FGD1: variants seen among roughly 807,000 people sequenced by gnomAD.
FGD1 encodes the protein FYVE, RhoGEF and PH domain containing 1.
Under a neutral mutation model 65.0 loss-of-function variants are expected in FGD1, and 12 were observed. The ratio of observed to expected loss-of-function variants is 0.18; its 90% CI spans 0.12 to 0.30. The LOEUF (loss-of-function observed/expected upper bound fraction) is 0.30, where lower values mean the gene tolerates loss of function less well. Among genes scored for constraint, FGD1 ranks in the 10% least tolerant of loss-of-function variants. The pLI, the probability that FGD1 is intolerant of heterozygous loss-of-function variation, is 1.00. For synonymous variants in FGD1, 333 were observed against 343.9 expected, an observed-to-expected ratio of 0.97 and a Z score of 0.35; for missense variants, 542 against 837.6, an observed-to-expected ratio of 0.65 and a Z score of 4.36.
At chrX:54,477,882 G>T (rs1267530689) in intron 1 of FGD1, among the ~76,000 whole-genome samples, 1 of 111,029 alleles carries the variant, frequency 9.0e-6, no homozygotes, top group Non-Finnish European at 1.9e-5. Flanking sequence ...CACTTTAGGA[G>T]GCCGAGGTGG....
chrX:54,446,128 T>G lies in FGD1; in HGVS notation c.2867A>C (p.Gln956Pro), dbSNP rs758821971. 1 of 1,209,738 alleles carries G rather than the reference T, an allele frequency of 8.3e-7. No homozygotes were observed. The highest frequency in any genetic ancestry group is 1.1e-6 in the Non-Finnish European group (1 of 894,583). ...GATAEPPESP[Q>P]TRDKT ...AACCCTCTAGGTCTTGTCTCGGGTCTGGGGGGATTCGGGGGGTTCAGCAGT... is the reference window on the plus strand; with the variant it reads ...AACCCTCTAGGTCTTGTCTCGGGTCGGGGGGGATTCGGGGGGTTCAGCAGT... The change falls in exon 18 of 18, where the codon CAG becomes CCG. Residue 956 changes from glutamine to proline, a missense_variant. Gln to Pro is a moderately conservative substitution (Grantham distance 76, BLOSUM62 -1). Around this residue, in one of 6 missense-constraint regions of FGD1, gnomAD observed 182 missense variants for 311.4 expected, o/e 0.58. Transcript: ENST00000375135.
At chrX:54,447,574 C>T (rs1601947744) in intron 16 of FGD1, 120 bp from the exon 17 acceptor site, 1 of 767,986 alleles carries the variant, frequency 1.3e-6, no homozygotes, top group East Asian at 3.5e-5. Flanking sequence ...CGCTCAAGCT[C>T]AGGTGGCAGG....
intron 12 of FGD1, 62 bp downstream of exon 12, chrX:54,455,386 T>C: frequency 1.1e-6 from 1 of 911,364 alleles, no homozygotes; most frequent in African/African-American, 1.9e-5. Context: ...CTGGAATGCC[T>C]CAGCATATCT....
intron 16 of FGD1, 78 bp downstream of exon 16, chrX:54,448,728 G>A (rs374644422): frequency 1.9e-6 from 2 of 1,049,694 alleles, no homozygotes; most frequent in Non-Finnish European, 2.6e-6. Context: ...CCAAATACTC[G>A]GGCCTCCTCA....
At chrX:54,484,689 C>T (rs187992563) in intron 1 of FGD1, among the ~76,000 whole-genome samples, 2 of 112,545 alleles carry the variant, frequency 1.8e-5, no homozygotes, top group East Asian at 2.8e-4. Flanking sequence ...TTTTCAGACA[C>T]CGTTTGGAGG....
intron 12 of FGD1, among the ~76,000 whole-genome samples, chrX:54,454,112 C>T (rs1922439458): frequency 9.0e-6 from 1 of 111,202 alleles, no homozygotes. Context: ...AGTCACGCGT[C>T]ACTTAACCAC....
In FGD1 at chrX:54,445,647, A is replaced by T. The variant is rs1922125345; in HGVS notation, c.*462T>A. 8.3e-6 allele frequency: 1 copy of T among 119,875 alleles called. No individual in the cohort carries two copies. The highest frequency in any genetic ancestry group is 3.3e-5 in the African/African-American group (1 of 30,765). 9.9% of individuals were successfully genotyped at this position (119,875 alleles called of 1,213,427 possible). On this transcript the variant is annotated 3_prime_UTR_variant, in exon 18 of 18. Coordinates refer to ENST00000375135, the MANE Select transcript of FGD1 (RefSeq NM_004463.3). ...AGCTGTAAGCCATGGGAGAGGCAGG[A>T]GAGGTCTAGTTGCCACCCCACGTGG...
chrX:54,447,404 G>A lies in FGD1; in HGVS notation c.2487C>T (p.His829=). The change falls in exon 17 of 18, where the codon CAC becomes CAT. Residue 829 remains histidine, a synonymous_variant. Transcript: ENST00000375135. The part of the protein sequence containing the change: ...AENSVICSFL[H]YMEKGGKGWH... ...ATCCTTTGCCACCCTTCTCCATGTA[G>A]TGCAGGAAGCTGCAGATGACGCTGT... The A allele has an allele frequency of 8.3e-7, 1 of 1,211,442 alleles. No homozygotes were observed. The highest frequency in any genetic ancestry group is 2.2e-5 in the Admixed American group (1 of 46,063).
At chrX:54,448,576 G>A (rs934542090) in intron 16 of FGD1, among the ~76,000 whole-genome samples, 4 of 112,456 alleles carry the variant, frequency 3.6e-5, no homozygotes, top group African/African-American at 1.3e-4. Flanking sequence ...TTCCTCGTTT[G>A]TAAAATAAAG....
intron 12 of FGD1, among the ~76,000 whole-genome samples, chrX:54,454,574 TG>T (rs758997349): frequency 1.9e-5 from 2 of 102,911 alleles, no homozygotes; most frequent in African/African-American, 7.3e-5. Flanking sequence ...TGCTTGAACC[TG>T]GGAGGTGGAG....
chrX:54,454,831 C>G (rs777083906), intron 12 of FGD1, among the ~76,000 whole-genome samples: 4 of 111,041 alleles, frequency 3.6e-5, no homozygotes, highest in Non-Finnish European at 7.5e-5. Context: ...GGGTGCTGAA[C>G]CATTTTAAAG....
At position 54,495,438 on chromosome X, in the gene FGD1, G is replaced by GGA; in HGVS notation, c.-7_-6insTC. On this transcript the variant is annotated 5_prime_UTR_variant, in exon 1 of 18. Transcript: ENST00000375135. ...GGGGCTCGGTGGCCATGCATGGTCC[G>GGA]GGCCTGGGCGCGGGGCCCGAGCTCC... 1 of 980,037 alleles carries GGA rather than the reference G, an allele frequency of 1.0e-6. No individual in the cohort carries two copies. The highest frequency in any genetic ancestry group is 1.3e-6 in the Non-Finnish European group (1 of 784,454). 80.8% of individuals were successfully genotyped at this position (980,037 alleles called of 1,213,427 possible). A position where few individuals can be genotyped will look rare whatever the true frequency, so the allele number is the denominator to read the frequency against.
intron 12 of FGD1, among the ~76,000 whole-genome samples, chrX:54,453,720 C>T (rs1313958728): frequency 8.9e-6 from 1 of 111,984 alleles, no homozygotes; most frequent in Non-Finnish European, 1.9e-5. Context: ...AACTGTCCTA[C>T]ACCTAAGTTT....
intron 17 of FGD1, 49 bp downstream of exon 17, chrX:54,447,262 T>A: frequency 8.4e-7 from 1 of 1,194,387 alleles, no homozygotes; most frequent in Admixed American, 2.2e-5. Flanking sequence ...AAGGACTGGA[T>A]CTGGCTTTGC....
chrX:54,482,962 T>C (rs1177940274), intron 1 of FGD1, among the ~76,000 whole-genome samples: 4 of 111,944 alleles, frequency 3.6e-5, no homozygotes, highest in Admixed American at 9.5e-5. Flanking sequence ...ATCTGTGGCA[T>C]TGAATCCTTA....
intron 1 of FGD1, among the ~76,000 whole-genome samples, chrX:54,481,376 G>A (rs775437643): frequency 4.8e-5 from 5 of 104,012 alleles, no homozygotes; most frequent in Non-Finnish European, 7.8e-5. Flanking sequence ...TCACTTTTTA[G>A]TAGAGGATAT....
intron 12 of FGD1, among the ~76,000 whole-genome samples, chrX:54,451,989 C>T (rs1398734573): frequency 1.8e-5 from 2 of 110,210 alleles, no homozygotes; most frequent in African/African-American, 3.3e-5. Flanking sequence ...CCACAATAGA[C>T]GGAGTGGTGG....
rs1165901294 is a variant in FGD1, at chrX:54,495,236, G to A, written c.197C>T (p.Thr66Ile). The A allele has an allele frequency of 8.4e-7, 1 of 1,190,665 alleles. No homozygotes were observed. Among genetic ancestry groups the A allele is most frequent in the Non-Finnish European group, 1.1e-6 (1 of 886,185 alleles). Residue 66 changes from threonine to isoleucine, a missense_variant, in exon 1 of 18, where the codon ACC (threonine) becomes ATC (isoleucine). Coordinates refer to ENST00000375135, the MANE Select transcript of FGD1 (RefSeq NM_004463.3). ...LDPQFVGPSD[T>I]SLGAAPGHRV... ...GTGGCCTGGAGCAGCGCCCAGGCTG[G>A]TGTCCGAGGGTCCGACAAACTGGGG... is the stretch of plus-strand genomic sequence containing the variant.
At chrX:54,452,266 C>CAAAAAAA (rs776104292) in intron 12 of FGD1, among the ~76,000 whole-genome samples, 5 of 28,814 alleles carry the variant, frequency 1.7e-4, no homozygotes, top group Admixed American at 4.6e-4. Flanking sequence ...GACCCTATCT[C>CAAAAAAA]AAAAAAAAAA....
Sources: gnomAD v4.1 joint callset for allele counts (sites outside exome capture counted in the v4.1 genomes callset) on GRCh38, gnomAD v4.1.1 for gene constraint, gnomAD v4.1.1 regional missense constraint, MANE v1.5 for transcripts, NCBI Gene and HGNC (gene_info 2026-07-23, HGNC 2026-07-21) for gene names.